Variants in ARHGEF37 observed in about 807,000 individuals in gnomAD.
ARHGEF37 encodes the protein Rho guanine nucleotide exchange factor (GEF) 37.
ARHGEF37 carries 55 observed loss-of-function variants against 71.1 expected under a neutral mutation model. The ratio of observed to expected loss-of-function variants is 0.77; its 90% CI spans 0.62 to 0.97. The LOEUF (loss-of-function observed/expected upper bound fraction) is 0.97, where lower values mean the gene tolerates loss of function less well. Ranked by LOEUF, ARHGEF37 falls within the 50% of genes least tolerant of loss-of-function variation. The pLI is 0.00. For missense variants in ARHGEF37, 765 were observed against 836.8 expected, an observed-to-expected ratio of 0.91 and a Z score of 1.06; for synonymous variants, 327 against 350.6, an observed-to-expected ratio of 0.93 and a Z score of 0.75.
At chr5:149,600,989 C>T (rs1763738322) in intron 2 of ARHGEF37, 119 bp from the exon 3 acceptor site, 2 of 1,199,726 alleles carry the variant, frequency 1.7e-6, no homozygotes, top group East Asian at 2.5e-5. Context: ...TCCACTGGGG[C>T]AGCCAATCTT....
chr5:149,591,800 T>A (rs1319430802), intron 1 of ARHGEF37, among the ~76,000 whole-genome samples: 1 of 152,224 alleles, frequency 6.6e-6, no homozygotes, highest in African/African-American at 2.4e-5. Context: ...AACAGATTTT[T>A]GTATTAGATG....
chr5:149,588,872 A>C (rs1277885589), intron 1 of ARHGEF37, among the ~76,000 whole-genome samples: 4 of 152,232 alleles, frequency 2.6e-5, no homozygotes, highest in Non-Finnish European at 4.4e-5. Context: ...AAGAACTTTC[A>C]AATGATAATT....
chr5:149,582,220 T>C (rs939386086), intron 1 of ARHGEF37, among the ~76,000 whole-genome samples: 6 of 152,142 alleles, frequency 3.9e-5, no homozygotes, highest in Admixed American at 1.3e-4. Context: ...CTTCTGGGGG[T>C]CCCTGACCCC....
chr5:149,598,184 G>A (rs956053568), intron 2 of ARHGEF37, among the ~76,000 whole-genome samples: 1 of 152,250 alleles, frequency 6.6e-6, no homozygotes, highest in Non-Finnish European at 1.5e-5. Context: ...GCTAACTGGT[G>A]AGCGGAATAA....
intron 1 of ARHGEF37, among the ~76,000 whole-genome samples, chr5:149,560,876 T>C (rs1762820192): frequency 6.6e-6 from 1 of 152,248 alleles, no homozygotes; most frequent in African/African-American, 2.4e-5. Context: ...AGATAAAATG[T>C]AAAATTCTGA....
intron 4 of ARHGEF37, 118 bp downstream of exon 4, chr5:149,609,813 A>G: frequency 7.1e-7 from 1 of 1,399,010 alleles, no homozygotes; most frequent in East Asian, 2.4e-5. Context: ...GCTCTGTCAG[A>G]GCCTGTGTTA....
At chr5:149,609,829 G>C (rs1764028377) in intron 4 of ARHGEF37, 134 bp downstream of exon 4, 5 of 1,272,226 alleles carry the variant, frequency 3.9e-6, no homozygotes, top group Admixed American at 2.2e-5. Flanking sequence ...TGTTAGTCAG[G>C]ATAGGGCAGG....
chr5:149,588,080 G>A (rs1478321828), intron 1 of ARHGEF37, among the ~76,000 whole-genome samples: 2 of 151,962 alleles, frequency 1.3e-5, no homozygotes, highest in Non-Finnish European at 2.9e-5. Flanking sequence ...TGTATTGTTA[G>A]TAGAGACAGG....
rs116148001 is a variant in ARHGEF37, at chr5:149,614,812, G to A, written c.459-1755G>A. On this transcript the variant is annotated intron_variant, in intron 4 of 12. Coordinates refer to ENST00000333677, the MANE Select transcript of ARHGEF37 (RefSeq NM_001001669.3). ...CTTAGCTTCATGGCTGATCTTTCCT[G>A]GACATTTGGTCTGGAGATTTTCCTA... is the stretch of plus-strand genomic sequence containing the variant. Among the ~76,000 whole-genome samples, 1,323 of 152,242 alleles carry A rather than the reference G, an allele frequency of 8.7e-3. 25 individuals are homozygous for A. The highest frequency in any genetic ancestry group is 0.031 in the African/African-American group (1,281 of 41,520).
intron 7 of ARHGEF37, among the ~76,000 whole-genome samples, 155 bp downstream of exon 7, chr5:149,619,197 C>T (rs538294147): frequency 9.2e-5 from 14 of 152,250 alleles, no homozygotes; most frequent in Admixed American, 2.0e-4. Context: ...GAATGCTGGC[C>T]AGCACTCCTC....
At chr5:149,624,951 T>G (rs1752642291) in intron 10 of ARHGEF37, among the ~76,000 whole-genome samples, 1 of 132,462 alleles carries the variant, frequency 7.5e-6, no homozygotes, top group Admixed American at 8.6e-5. Flanking sequence ...CAGGGTGGAG[T>G]GCAGTGGTGT....
At chr5:149,601,926 G>A (rs898756821) in intron 3 of ARHGEF37, among the ~76,000 whole-genome samples, 1 of 152,176 alleles carries the variant, frequency 6.6e-6, no homozygotes, top group East Asian at 1.9e-4. Flanking sequence ...GAAGAGGCAC[G>A]CAAGGACCAG....
At chr5:149,558,829 AAAAC>A (rs1762790359) in intron 1 of ARHGEF37, among the ~76,000 whole-genome samples, 3 of 152,054 alleles carry the variant, frequency 2.0e-5, no homozygotes, top group African/African-American at 7.2e-5. Context: ...AAATCGGAAA[AAAAC>A]AAAAATCTCT....
rs1483760062 is a variant in ARHGEF37 at position 149,633,479 on chromosome 5, C to A, written c.*1288C>A. The A allele has an allele frequency of 1.3e-5, 2 of 152,292 alleles. No homozygotes were observed. Among genetic ancestry groups the A allele is most frequent in the Admixed American group, 1.3e-4 (2 of 15,292 alleles). The allele number at this position is 152,292 out of a possible 1,614,324, so 9.4% of individuals were successfully genotyped here. A position where few individuals can be genotyped will look rare whatever the true frequency, so the allele number is the denominator to read the frequency against. On this transcript the variant is annotated 3_prime_UTR_variant, in exon 13 of 13. Transcript: ENST00000333677. ...CCATTCTAGAACCTGGAAATTGGAG[C>A]CCCTCAAAAACAGTTCCTGTTCAAG... is the stretch of plus-strand genomic sequence containing the variant.
At chr5:149,600,810 T>C (rs1178969572) in intron 2 of ARHGEF37, among the ~76,000 whole-genome samples, 1 of 152,142 alleles carries the variant, frequency 6.6e-6, no homozygotes, top group African/African-American at 2.4e-5. Flanking sequence ...GAGCTAATTT[T>C]TGTATTTTTA....
At chr5:149,618,803 A>G in intron 6 of ARHGEF37, 135 bp from the exon 7 acceptor site, 1 of 718,342 alleles carries the variant, frequency 1.4e-6, no homozygotes, top group Non-Finnish European at 2.5e-6. Context: ...CCACCCTCTC[A>G]GCTTTGGGGT....
intron 11 of ARHGEF37, among the ~76,000 whole-genome samples, chr5:149,628,475 C>G (rs1160953240): frequency 1.3e-5 from 2 of 152,190 alleles, no homozygotes; most frequent in African/African-American, 4.8e-5. Context: ...GCAGCTCTTG[C>G]TCTGGGCAGA....
rs147743302 is a variant in ARHGEF37, at chr5:149,622,969, A to T, written c.1335+907A>T. Among the ~76,000 whole-genome samples the T allele has an allele frequency of 6.6e-5, 10 of 152,206 alleles. No individual in the cohort carries two copies. In the East Asian group the frequency reaches 1.9e-3, roughly 29 times the overall value. On this transcript the variant is annotated intron_variant, in intron 9 of 12. Coordinates refer to ENST00000333677, the MANE Select transcript of ARHGEF37 (RefSeq NM_001001669.3). The stretch of plus-strand genomic sequence containing the variant: ...AGCTTTTCCCCATCCAATTCTTTGC[A>T]TGAAAACTCTACTAAGATTTGCCTT...
At chr5:149,598,263 C>CTCT (rs70973531) in intron 2 of ARHGEF37, among the ~76,000 whole-genome samples, 6,411 of 67,410 alleles carry the variant, frequency 0.095, 755 homozygotes, top group Non-Finnish European at 0.11. Context: ...CTTAAACTGA[C>CTCT]TCTTCTTCTT....
Sources: allele counts gnomAD v4.1 joint callset (sites outside exome capture counted in the v4.1 genomes callset), GRCh38; gene constraint gnomAD v4.1.1; transcripts MANE v1.5; gene names NCBI Gene and HGNC (gene_info 2026-07-23, HGNC 2026-07-21).